The following PATL1 variants were observed in gnomAD, a reference collection of about 807,000 sequenced individuals.
PATL1 encodes protein PAT1 homolog 1.
In PATL1, 32 loss-of-function variants were observed where a neutral mutation model predicts 100.6. The ratio of observed to expected loss-of-function variants is 0.32; its 90% CI spans 0.24 to 0.43. The LOEUF (loss-of-function observed/expected upper bound fraction) is 0.43. PATL1 is among the 20% of genes least tolerant of loss of function. PATL1 has a pLI of 1.00. For missense variants in PATL1, 747 were observed against 949.9 expected (o/e 0.79, Z 2.81); for synonymous variants, 332 against 330.0 (o/e 1.01, Z -0.07).
chr11:59,646,444 C>T (rs1861367326), intron 15 of PATL1, among the ~76,000 whole-genome samples: 1 of 152,152 alleles, frequency 6.6e-6, no homozygotes, highest in African/African-American at 2.4e-5. Flanking sequence ...CCTCAGCCTC[C>T]CAAAGTGTTG....
chr11:59,661,257 T>C (rs1861621318), intron 2 of PATL1, among the ~76,000 whole-genome samples: 1 of 152,106 alleles, frequency 6.6e-6, no homozygotes, highest in African/African-American at 2.4e-5. Context: ...GGCTAATTTT[T>C]ATATTTTTTG....
chr11:59,656,180 G>GA, intron 6 of PATL1, 135 bp from the exon 7 acceptor site: 1 of 578,382 alleles, frequency 1.7e-6, no homozygotes, highest in Non-Finnish European at 2.9e-6. Flanking sequence ...CTCTGGAATA[G>GA]AAAAAAAGAG....
chr11:59,660,290 T>C (rs772907779), intron 2 of PATL1, among the ~76,000 whole-genome samples: 5 of 152,224 alleles, frequency 3.3e-5, no homozygotes, highest in African/African-American at 7.2e-5. Context: ...ATGGGATACA[T>C]TGGTGTACAA....
chr11:59,660,821 C>T (rs1861616054), intron 2 of PATL1, among the ~76,000 whole-genome samples: 1 of 152,184 alleles, frequency 6.6e-6, no homozygotes, highest in South Asian at 2.1e-4. Context: ...GGCATTTCCT[C>T]TTTTATCTTA....
chr11:59,647,153 G>A (rs1275779529), intron 15 of PATL1, among the ~76,000 whole-genome samples: 3 of 147,416 alleles, frequency 2.0e-5, no homozygotes, highest in African/African-American at 5.0e-5. Flanking sequence ...AGCCTGGGAT[G>A]TGGAGGCTGC....
In PATL1 at chr11:59,656,003, G is replaced by C. The variant is rs529219335; in HGVS notation, c.766C>G (p.Pro256Ala). ...LGHPFPPSVP[P>A]VLSPLQRAQL... Reference sequence around the variant, plus strand: ...GCTCTCTGGAGGGGGCTGAGAACAGGAGGAACACTAGGAGGAAAAGGGTGA... The same window carrying C: ...GCTCTCTGGAGGGGGCTGAGAACAGCAGGAACACTAGGAGGAAAAGGGTGA... The change falls in exon 7 of 19, where the codon CCT becomes GCT. Residue 256 changes from proline to alanine, a missense_variant. By Grantham distance (27) the Pro-to-Ala change is conservative. Transcript: ENST00000300146. 20 of 1,583,880 alleles carry C rather than the reference G, an allele frequency of 1.3e-5. No individual in the cohort carries two copies. Among genetic ancestry groups the C allele is most frequent in the Non-Finnish European group, 1.7e-5 (20 of 1,170,100 alleles).
chr11:59,660,959 T>G (rs1861617325), intron 2 of PATL1, among the ~76,000 whole-genome samples: 1 of 152,338 alleles, frequency 6.6e-6, no homozygotes, highest in South Asian at 2.1e-4. Context: ...ATTACAATCT[T>G]CAGAACCCTC....
intron 1 of PATL1, among the ~76,000 whole-genome samples, chr11:59,668,090 C>T (rs972003282): frequency 5.9e-5 from 9 of 152,234 alleles, no homozygotes; most frequent in African/African-American, 2.2e-4. Flanking sequence ...AGCAGTACTC[C>T]CTTCCAAATC....
chr11:59,640,852 A>G (rs1481755453), intron 16 of PATL1, among the ~76,000 whole-genome samples: 4 of 152,012 alleles, frequency 2.6e-5, no homozygotes, highest in Admixed American at 2.6e-4. Flanking sequence ...CAACATAGTG[A>G]GACCCTGTTT....
chr11:59,651,398 G>C, intron 12 of PATL1, 146 bp downstream of exon 12: 2 of 633,246 alleles, frequency 3.2e-6, no homozygotes, highest in South Asian at 2.0e-5. Flanking sequence ...CAGCACATCT[G>C]TGGAAAACTA....
chr11:59,643,286 C>G (rs1296941053), intron 15 of PATL1, among the ~76,000 whole-genome samples: 2 of 151,884 alleles, frequency 1.3e-5, no homozygotes, highest in African/African-American at 4.8e-5. Context: ...AAATACATAC[C>G]AAGAGTTATG....
At chr11:59,660,265 C>T (rs1410370430) in intron 2 of PATL1, among the ~76,000 whole-genome samples, 1 of 152,176 alleles carries the variant, frequency 6.6e-6, no homozygotes. Context: ...ATGTGACAAG[C>T]CCTGTTTTAG....
intron 9 of PATL1, 29 bp downstream of exon 9, chr11:59,653,954 A>T (rs1861484800): frequency 6.4e-7 from 1 of 1,561,824 alleles, no homozygotes; most frequent in African/African-American, 1.4e-5. Context: ...TGAATTAAGA[A>T]GCCATAAAGG....
intron 14 of PATL1, among the ~76,000 whole-genome samples, chr11:59,648,721 C>G (rs993809970): frequency 6.6e-6 from 1 of 152,132 alleles, no homozygotes; most frequent in Non-Finnish European, 1.5e-5. Flanking sequence ...CAACTACATA[C>G]ATTTTAATGG....
At chr11:59,665,228 A>G (rs1351590768) in intron 2 of PATL1, among the ~76,000 whole-genome samples, 1 of 152,238 alleles carries the variant, frequency 6.6e-6, no homozygotes, top group Non-Finnish European at 1.5e-5. Context: ...GCTTTAATAA[A>G]TGTATTAGGT....
rs542867416 is a variant in PATL1, at chr11:59,663,537, G to A, written c.127+3316C>T. On this transcript the variant is annotated intron_variant, in intron 2 of 18. Coordinates refer to ENST00000300146, the MANE Select transcript of PATL1 (RefSeq NM_152716.3). ...GTCACTCTTCCTCATTTGTTAAAAT[G>A]AGGATAATAATAGTACCTATCTCAC... Among the ~76,000 whole-genome samples the A allele has an allele frequency of 1.2e-4, 18 of 152,248 alleles. No individual in the cohort carries two copies. In the South Asian group the frequency reaches 3.7e-3, roughly 32 times the overall value.
intron 1 of PATL1, 57 bp downstream of exon 1, chr11:59,668,824 G>C: frequency 9.7e-7 from 1 of 1,027,416 alleles, no homozygotes; most frequent in South Asian, 1.4e-5. Flanking sequence ...CGGAGAGAGA[G>C]TGAGGGAGAG....
intron 15 of PATL1, among the ~76,000 whole-genome samples, chr11:59,645,195 C>G (rs1284540885): frequency 1.6e-5 from 2 of 121,602 alleles, no homozygotes; most frequent in South Asian, 2.9e-4. Flanking sequence ...TACACAGACA[C>G]GGCAACCATC....
intron 15 of PATL1, 124 bp from the exon 16 acceptor site, chr11:59,643,159 T>C (rs1565130484): frequency 9.9e-6 from 10 of 1,008,452 alleles, no homozygotes; most frequent in South Asian, 1.7e-5. Flanking sequence ...GTCTGGCAGA[T>C]ATGACTAGAG....
Sources: allele counts gnomAD v4.1 joint callset (sites outside exome capture counted in the v4.1 genomes callset), GRCh38; gene constraint gnomAD v4.1.1; transcripts MANE v1.5; gene names NCBI Gene and HGNC (gene_info 2026-07-23, HGNC 2026-07-21).